HS3ST5: variants seen among roughly 807,000 people sequenced by gnomAD.
HS3ST5 encodes heparan sulfate-glucosamine 3-sulfotransferase 5.
A neutral mutation model predicts 25.4 loss-of-function variants in HS3ST5; 10 were observed. That is an observed-to-expected ratio of 0.39 (90% CI 0.24 to 0.67). The LOEUF (loss-of-function observed/expected upper bound fraction) is 0.67. HS3ST5 is among the 30% of genes least tolerant of loss of function. The pLI is 0.44. For synonymous variants in HS3ST5, 170 were observed against 162.4 expected (o/e 1.05, Z -0.36); for missense variants, 324 against 420.7 (o/e 0.77, Z 2.01).
intron 2 of HS3ST5, among the ~76,000 whole-genome samples, chr6:114,205,885 A>G (rs944083801): frequency 1.3e-5 from 2 of 152,128 alleles, no homozygotes; most frequent in African/African-American, 4.8e-5. Context: ...CAGGAGGTGG[A>G]GCTCAGGAGG....
chr6:114,318,202 T>C (rs56171501), intron 1 of HS3ST5, among the ~76,000 whole-genome samples: 9,632 of 152,202 alleles, frequency 0.063, 549 homozygotes, highest in African/African-American at 0.15. Context: ...GCCCATAATA[T>C]AGGGTGACTA....
intron 1 of HS3ST5, among the ~76,000 whole-genome samples, chr6:114,330,592 A>G (rs1776354042): frequency 6.6e-6 from 1 of 152,152 alleles, no homozygotes; most frequent in African/African-American, 2.4e-5. Context: ...ATTTCCTCAC[A>G]TGAGCATCCA....
Position 114,117,187 on chromosome 6 carries a change from C to T in HS3ST5, c.-33+51164G>A, listed in dbSNP as rs537706587. Among the ~76,000 whole-genome samples, 15 of 152,244 alleles carry T rather than the reference C, an allele frequency of 9.9e-5. No individual in the cohort carries two copies. The South Asian group carries it at 1.9e-3, about 19-fold the overall frequency. ...ATTAATGTTGAAGAAATAGCTCATT[C>T]CTTTTACTTTCTAGGCAAAATATCT... On this transcript the variant is annotated intron_variant, in intron 3 of 4. Coordinates refer to ENST00000312719, the MANE Select transcript of HS3ST5 (RefSeq NM_153612.4).
chr6:114,094,497 G>C (rs1049399448), intron 3 of HS3ST5, among the ~76,000 whole-genome samples: 1 of 152,128 alleles, frequency 6.6e-6, no homozygotes, highest in Non-Finnish European at 1.5e-5. Flanking sequence ...TTCTGAATGG[G>C]GGGTAAAGAT....
At chr6:114,090,899 A>G (rs1013048449) in intron 3 of HS3ST5, among the ~76,000 whole-genome samples, 1 of 152,234 alleles carries the variant, frequency 6.6e-6, no homozygotes, top group Non-Finnish European at 1.5e-5. Flanking sequence ...CTGGTGCATC[A>G]GACTCTCACT....
intron 3 of HS3ST5, among the ~76,000 whole-genome samples, chr6:114,081,647 A>C (rs1285738107): frequency 6.6e-6 from 1 of 152,150 alleles, no homozygotes; most frequent in Non-Finnish European, 1.5e-5. Context: ...AATTTCTGAG[A>C]ATGACAACAG....
chr6:114,265,002 C>G (rs944836963), intron 1 of HS3ST5, among the ~76,000 whole-genome samples: 2 of 152,110 alleles, frequency 1.3e-5, no homozygotes, highest in African/African-American at 4.8e-5. Flanking sequence ...GCCTCAGCCT[C>G]CTGAGTAGCT....
chr6:114,131,489 A>G (rs565185761), intron 3 of HS3ST5, among the ~76,000 whole-genome samples: 12 of 152,340 alleles, frequency 7.9e-5, no homozygotes, highest in African/African-American at 2.9e-4. Flanking sequence ...ATCTTAAAAG[A>G]TGTCTTGTAA....
chr6:114,130,106 G>A (rs1777254776), intron 3 of HS3ST5, among the ~76,000 whole-genome samples: 1 of 152,180 alleles, frequency 6.6e-6, no homozygotes, highest in Non-Finnish European at 1.5e-5. Context: ...TTGGTTCTGT[G>A]TTGTCCAGTA....
intron 2 of HS3ST5, among the ~76,000 whole-genome samples, chr6:114,214,236 T>C (rs1032890461): frequency 5.9e-5 from 9 of 152,230 alleles, no homozygotes; most frequent in Admixed American, 6.5e-5. Context: ...TGTTATACCC[T>C]TTAACTAGCT....
rs181523993 is a variant in HS3ST5 at position 114,271,149 on chromosome 6, T to C, written c.-338-42371A>G. On this transcript the variant is annotated intron_variant, in intron 1 of 4. Coordinates refer to ENST00000312719, the MANE Select transcript of HS3ST5 (RefSeq NM_153612.4). Reference sequence around the variant, plus strand: ...AGAAAGTCCACTTGGACAGGTCTAATTGTTACAAAGTTCTTTGTAGTAGTT... The same window carrying C: ...AGAAAGTCCACTTGGACAGGTCTAACTGTTACAAAGTTCTTTGTAGTAGTT... Among the ~76,000 whole-genome samples the C allele has an allele frequency of 3.8e-3, 573 of 152,202 alleles. 3 individuals are homozygous for C. The highest frequency in any genetic ancestry group is 0.012 in the African/African-American group (514 of 41,546).
intron 4 of HS3ST5, among the ~76,000 whole-genome samples, chr6:114,060,352 T>G (rs1384955597): frequency 1.3e-5 from 2 of 152,150 alleles, no homozygotes; most frequent in African/African-American, 4.8e-5. Context: ...CGGTTAATAG[T>G]TTAGAGAAAC....
chr6:114,077,382 A>G (rs1774196513), intron 3 of HS3ST5, among the ~76,000 whole-genome samples: 1 of 152,160 alleles, frequency 6.6e-6, no homozygotes, highest in Admixed American at 6.6e-5. Flanking sequence ...GGGATAAACT[A>G]ATGTTTATCC....
chr6:114,328,214 A>AAAGGAAGGAAAGAAGGAAAG (rs1320896680), intron 1 of HS3ST5, among the ~76,000 whole-genome samples: 3 of 151,988 alleles, frequency 2.0e-5, no homozygotes, highest in Non-Finnish European at 2.9e-5. Context: ...AGAAGTGAAA[A>AAAGGAAGGAAAGAAGGAAAG]AAGGAAGGAA....
At chr6:114,278,576 AC>A (rs34452490) in intron 1 of HS3ST5, among the ~76,000 whole-genome samples, 24,284 of 151,896 alleles carry the variant, frequency 0.16, 2,051 homozygotes, top group Middle Eastern at 0.21. Context: ...GGGACCATGA[AC>A]TCATAATAAA....
intron 1 of HS3ST5, among the ~76,000 whole-genome samples, chr6:114,332,660 C>T (rs761178944): frequency 4.0e-4 from 61 of 151,930 alleles, no homozygotes; most frequent in Middle Eastern, 3.4e-3. Flanking sequence ...TATGTGTGTG[C>T]GTGACAGGGG....
intron 3 of HS3ST5, among the ~76,000 whole-genome samples, chr6:114,105,639 G>C (rs1435442339): frequency 1.3e-5 from 2 of 152,078 alleles, no homozygotes; most frequent in African/African-American, 2.4e-5. Flanking sequence ...AAAAAGTGGG[G>C]ACTTCTTATT....
chr6:114,104,784 G>A (rs1269664855), intron 3 of HS3ST5, among the ~76,000 whole-genome samples: 4 of 152,154 alleles, frequency 2.6e-5, no homozygotes, highest in Non-Finnish European at 5.9e-5. Flanking sequence ...GTTATGTCAC[G>A]AGACTCATTT....
At chr6:114,149,947 A>G (rs921237898) in intron 3 of HS3ST5, among the ~76,000 whole-genome samples, 1 of 152,206 alleles carries the variant, frequency 6.6e-6, no homozygotes, top group South Asian at 2.1e-4. Flanking sequence ...GACAGGCTTA[A>G]AAGAGTTTCC....
Sources: allele counts gnomAD v4.1 joint callset (sites outside exome capture counted in the v4.1 genomes callset), GRCh38; gene constraint gnomAD v4.1.1; transcripts MANE v1.5; gene names NCBI Gene and HGNC (gene_info 2026-07-23, HGNC 2026-07-21).